ARMC8: variants seen among roughly 807,000 people sequenced by gnomAD.
ARMC8 encodes armadillo repeat-containing protein 8.
In ARMC8, 20 loss-of-function variants were observed where a neutral mutation model predicts 99.3. The observed-to-expected ratio is 0.20, with a 90% CI of 0.14 to 0.29. The LOEUF (loss-of-function observed/expected upper bound fraction) is 0.29. Among genes scored for constraint, ARMC8 ranks in the 10% least tolerant of loss-of-function variants. The pLI is 1.00. For synonymous variants in ARMC8, 263 were observed against 278.3 expected (o/e 0.95, Z 0.55); for missense variants, 569 against 809.5 (o/e 0.70, Z 3.60).
intron 1 of ARMC8, among the ~76,000 whole-genome samples, chr3:138,203,230 A>G (rs150706561): frequency 2.0e-5 from 3 of 152,366 alleles, no homozygotes; most frequent in African/African-American, 7.2e-5. Flanking sequence ...TTTCACTCTT[A>G]AAATTATCCT....
chr3:138,272,981 G>C lies in ARMC8; in HGVS notation c.1494G>C (p.Gln498His). 3 of 1,602,714 alleles carry C rather than the reference G, an allele frequency of 1.9e-6. No individual in the cohort carries two copies. Among genetic ancestry groups the C allele is most frequent in the Non-Finnish European group, 2.6e-6 (3 of 1,174,986 alleles). The part of the protein sequence containing the change: ...GIWALMNMAF[Q>H]AEQKIKADIL... Reference sequence around the variant, plus strand: ...AATCCTTTCAGAATATGGCATTTCAGGCTGAACAAAAAATAAAAGCAGATA... The same window carrying C: ...AATCCTTTCAGAATATGGCATTTCACGCTGAACAAAAAATAAAAGCAGATA... Residue 498 changes from glutamine (Q) to histidine (H), a missense_variant, in exon 17 of 22, where the codon CAG becomes CAC. Physicochemically the swap from Gln to His is conservative, Grantham distance 24 (BLOSUM62 0). Around this residue, in one of 2 missense-constraint regions of ARMC8, gnomAD observed 227 missense variants for 417.9 expected, o/e 0.54. Transcript: ENST00000469044.
At chr3:138,246,028 C>T (rs2046864395) in intron 12 of ARMC8, 1 of 985,192 alleles carries the variant, frequency 1.0e-6, no homozygotes, top group Admixed American at 6.1e-5. Context: ...TAAATCTCTC[C>T]ATCTGCATTA....
At chr3:138,218,227 A>AC (rs371546274) in intron 2 of ARMC8, among the ~76,000 whole-genome samples, 4,059 of 152,194 alleles carry the variant, frequency 0.027, 175 homozygotes, top group African/African-American at 0.092. Flanking sequence ...GGAGATCACA[A>AC]GGGGGGGCAT....
At chr3:138,223,935 G>T (rs938641771) in intron 5 of ARMC8, among the ~76,000 whole-genome samples, 1 of 151,126 alleles carries the variant, frequency 6.6e-6, no homozygotes, top group African/African-American at 2.4e-5. Flanking sequence ...ATCAACCAGA[G>T]TGACATAACA....
intron 16 of ARMC8, 109 bp from the exon 17 acceptor site, chr3:138,272,858 C>A: frequency 4.9e-6 from 5 of 1,011,152 alleles, no homozygotes; most frequent in Non-Finnish European, 6.7e-6. Context: ...GGCGACAGAG[C>A]AAGACTCTGT....
intron 1 of ARMC8, among the ~76,000 whole-genome samples, chr3:138,198,508 A>T (rs2043865796): frequency 6.7e-6 from 1 of 149,860 alleles, no homozygotes; most frequent in South Asian, 2.1e-4. Context: ...TATTATTATT[A>T]TTATTATTAT....
At chr3:138,187,697 C>G (rs755648341) in intron 1 of ARMC8, 98 bp downstream of exon 1, 1 of 1,324,890 alleles carries the variant, frequency 7.5e-7, no homozygotes, top group Admixed American at 2.0e-5. Context: ...GGCACCACCC[C>G]CTGGGGTGGA....
In ARMC8 at chr3:138,270,149, T is replaced by C. The variant is rs2048653184; in HGVS notation, c.1479+17T>C. On this transcript the variant is annotated intron_variant, in intron 16 of 21. Transcript: ENST00000469044. ...GCTTTAATGGTACGTTTCACTTTTATATATATCATAACTTACAAAAGGAAT... is the reference window on the plus strand; with the variant it reads ...GCTTTAATGGTACGTTTCACTTTTACATATATCATAACTTACAAAAGGAAT... 2 of 1,524,512 alleles carry C rather than the reference T, an allele frequency of 1.3e-6. No homozygotes were observed. Among genetic ancestry groups the C allele is most frequent in the African/African-American group, 1.4e-5 (1 of 72,998 alleles). The allele number at this position is 1,524,512 out of a possible 1,614,324, so 94.4% of individuals were successfully genotyped here. A position where few individuals can be genotyped will look rare whatever the true frequency, so the allele number is the denominator to read the frequency against.
chr3:138,188,543 A>G (rs575592810), intron 1 of ARMC8: 35 of 1,614,070 alleles, frequency 2.2e-5, no homozygotes, highest in Admixed American at 3.3e-5. Flanking sequence ...CAGTTTACCA[A>G]TGGTTCATTT....
chr3:138,263,955 T>C, intron 13 of ARMC8, 134 bp downstream of exon 13: 1 of 972,966 alleles, frequency 1.0e-6, no homozygotes, highest in Non-Finnish European at 1.6e-6. Context: ...ATAGAGTATA[T>C]AACATTGTCT....
chr3:138,241,723 C>CT, intron 10 of ARMC8, 60 bp from the exon 11 acceptor site: 1 of 1,412,508 alleles, frequency 7.1e-7, no homozygotes, highest in Non-Finnish European at 1.0e-6. Flanking sequence ...GATTCAGTCA[C>CT]TATATGCTTA....
intron 12 of ARMC8, among the ~76,000 whole-genome samples, chr3:138,255,424 G>A (rs1388693111): frequency 6.6e-6 from 1 of 151,850 alleles, no homozygotes; most frequent in Non-Finnish European, 1.5e-5. Flanking sequence ...GGACAGTCTC[G>A]ATCTCCTGAC....
chr3:138,192,233 A>G (rs1292086781), intron 1 of ARMC8, among the ~76,000 whole-genome samples: 1 of 151,058 alleles, frequency 6.6e-6, no homozygotes, highest in Non-Finnish European at 1.5e-5. Flanking sequence ...GCATTTCCCT[A>G]ATGATTAATA....
intron 12 of ARMC8, chr3:138,245,932 T>C: frequency 4.1e-6 from 4 of 985,416 alleles, no homozygotes; most frequent in Non-Finnish European, 4.8e-6. Context: ...TTCAAGACCA[T>C]CAGAGAGCAA....
At chr3:138,288,966 G>T in intron 19 of ARMC8, 82 bp from the exon 20 acceptor site, 1 of 1,105,884 alleles carries the variant, frequency 9.0e-7, no homozygotes, top group African/African-American at 1.6e-5. Flanking sequence ...TATAGGAATT[G>T]GCTATGGTAG....
chr3:138,223,957 C>CT (rs1037473550), intron 5 of ARMC8, among the ~76,000 whole-genome samples: 4,589 of 133,626 alleles, frequency 0.034, 230 homozygotes, highest in African/African-American at 0.099. Flanking sequence ...GACTCCATCT[C>CT]TTTTTTTTTT....
At chr3:138,191,980 A>T (rs1336140321) in intron 1 of ARMC8, among the ~76,000 whole-genome samples, 1 of 152,206 alleles carries the variant, frequency 6.6e-6, no homozygotes, top group Admixed American at 6.5e-5. Flanking sequence ...TTGTAAGGAC[A>T]TAACTTTTCA....
chr3:138,227,697 T>C (rs1397038482), intron 5 of ARMC8, among the ~76,000 whole-genome samples: 1 of 152,218 alleles, frequency 6.6e-6, no homozygotes, highest in African/African-American at 2.4e-5. Context: ...AGTTTTTTTC[T>C]TTGTCCTCTG....
intron 18 of ARMC8, among the ~76,000 whole-genome samples, chr3:138,280,546 T>C (rs1462491634): frequency 6.6e-6 from 1 of 150,620 alleles, no homozygotes; most frequent in African/African-American, 2.4e-5. Context: ...CAGGCTGGAG[T>C]GCAGTGGTGT....
Sources: allele counts gnomAD v4.1 joint callset (sites outside exome capture counted in the v4.1 genomes callset), GRCh38; gene constraint gnomAD v4.1.1; regional missense constraint gnomAD v4.1.1; transcripts MANE v1.5; gene names NCBI Gene and HGNC (gene_info 2026-07-23, HGNC 2026-07-21).